The following DYNC1LI1 variants were observed in gnomAD, a reference collection of about 807,000 sequenced individuals.
The protein encoded by DYNC1LI1 is cytoplasmic dynein 1 light intermediate chain 1.
A neutral mutation model predicts 63.8 loss-of-function variants in DYNC1LI1; 19 were observed. That is an observed-to-expected ratio of 0.30 (90% confidence interval 0.21 to 0.44). The LOEUF (loss-of-function observed/expected upper bound fraction) is 0.44. Among genes scored for constraint, DYNC1LI1 ranks in the 20% least tolerant of loss-of-function variants. DYNC1LI1 has a pLI of 1.00. For synonymous variants in DYNC1LI1, 225 were observed against 232.3 expected (o/e 0.97, Z 0.28); for missense variants, 565 against 630.2 (o/e 0.90, Z 1.11).
chr3:32,552,101 A>G (rs935216517), intron 2 of DYNC1LI1, among the ~76,000 whole-genome samples: 3 of 152,188 alleles, frequency 2.0e-5, no homozygotes, highest in African/African-American at 7.2e-5. Context: ...TAATTAATAT[A>G]AGATTCCAAC....
chr3:32,566,739 A>G, intron 2 of DYNC1LI1: 1 of 438,686 alleles, frequency 2.3e-6, no homozygotes, highest in South Asian at 1.6e-5. Context: ...ACTCCATCTC[A>G]AAAACAAACA....
intron 2 of DYNC1LI1, 54 bp downstream of exon 2, chr3:32,570,277 TAGCCCGCGGACCAGG>T: frequency 7.8e-7 from 1 of 1,288,670 alleles, no homozygotes; most frequent in Non-Finnish European, 1.1e-6. Context: ...GCCAGCGAGC[TAGCCCGCGGACCAGG>T]TACCCCGGGC....
At chr3:32,556,514 ATTCTTT>A (rs1420068554) in intron 2 of DYNC1LI1, among the ~76,000 whole-genome samples, 1 of 152,114 alleles carries the variant, frequency 6.6e-6, no homozygotes, top group African/African-American at 2.4e-5. Context: ...CAACCTTCAT[ATTCTTT>A]TTGTTGCTTT....
chr3:32,540,249 A>C (rs1172793562), intron 5 of DYNC1LI1, among the ~76,000 whole-genome samples: 2 of 152,318 alleles, frequency 1.3e-5, no homozygotes, highest in Middle Eastern at 3.4e-3. Flanking sequence ...AATTTTGATA[A>C]TAGTGGTCCT....
Position 32,533,111 on chromosome 3 carries a change from C to T in DYNC1LI1, c.969-14G>A. 2 of 1,584,256 alleles carry T rather than the reference C, an allele frequency of 1.3e-6. No homozygotes were observed. Among genetic ancestry groups the T allele is most frequent in the Middle Eastern group, 2.0e-4 (1 of 5,032 alleles). ...CACCCTGCTGGACTGGAAAGAAATA[C>T]ATATGATAAATTCTCAAGCATTTAT... is the stretch of plus-strand genomic sequence containing the variant. On this transcript the variant is annotated splice_polypyrimidine_tract_variant and intron_variant, in intron 7 of 12. Transcript: ENST00000273130.
chr3:32,544,278 A>G (rs1479552770), intron 4 of DYNC1LI1, among the ~76,000 whole-genome samples: 1 of 152,212 alleles, frequency 6.6e-6, no homozygotes, highest in Admixed American at 6.5e-5. Context: ...TTACGAATTA[A>G]AAAATGAAAC....
Position 32,545,028 on chromosome 3 carries a change from A to G in DYNC1LI1, c.416T>C (p.Val139Ala). 1 of 1,614,096 alleles carries G rather than the reference A, an allele frequency of 6.2e-7. No individual in the cohort carries two copies. ...KGLLKFSLDAVSLKDTLVMLV... is the reference protein window; with the variant it reads ...KGLLKFSLDAASLKDTLVMLV... ...CATAACTAGAGTATCCTTCAGAGAT[A>G]CGGCATCCAGTGAAAATTTAAGGAG... is the stretch of plus-strand genomic sequence containing the variant. The change falls in exon 4 of 13, where the codon GTA becomes GCA. Residue 139 changes from valine to alanine, a missense_variant. By Grantham distance (64) the Val-to-Ala change is moderately conservative. Transcript: ENST00000273130.
At chr3:32,561,136 C>T (rs906322100) in intron 2 of DYNC1LI1, among the ~76,000 whole-genome samples, 3 of 150,912 alleles carry the variant, frequency 2.0e-5, no homozygotes, top group African/African-American at 7.3e-5. Context: ...ATTACAATGG[C>T]TATTAATAGT....
chr3:32,536,448 C>G (rs1392000243), intron 6 of DYNC1LI1, among the ~76,000 whole-genome samples: 1 of 152,154 alleles, frequency 6.6e-6, no homozygotes, highest in Non-Finnish European at 1.5e-5. Flanking sequence ...TTATTACTCA[C>G]TGGCTCACCT....
intron 8 of DYNC1LI1, chr3:32,532,481 A>ATGTGTATGTGTG (rs1553617327): frequency 2.5e-5 from 3 of 120,380 alleles, no homozygotes; most frequent in African/African-American, 9.0e-5. Flanking sequence ...AAAAAAAAAA[A>ATGTGTATGTGTG]TGTGTGTATA....
At chr3:32,561,542 T>A (rs536516868) in intron 2 of DYNC1LI1, among the ~76,000 whole-genome samples, 1 of 151,934 alleles carries the variant, frequency 6.6e-6, no homozygotes, top group African/African-American at 2.4e-5. Context: ...GGCAGGAGAA[T>A]TGCTTGAACC....
chr3:32,540,749 C>T (rs893047940), intron 5 of DYNC1LI1, among the ~76,000 whole-genome samples: 20 of 151,516 alleles, frequency 1.3e-4, no homozygotes, highest in Non-Finnish European at 2.5e-4. Flanking sequence ...ATCATTTTAC[C>T]TGTAATTATT....
intron 2 of DYNC1LI1, among the ~76,000 whole-genome samples, chr3:32,560,531 C>A (rs1698175634): frequency 6.6e-6 from 1 of 152,110 alleles, no homozygotes; most frequent in Non-Finnish European, 1.5e-5. Context: ...AATACGGTAC[C>A]TAGCAGAACA....
chr3:32,544,910 G>A lies in DYNC1LI1; in HGVS notation c.534C>T (p.Ile178=), dbSNP rs1697931964. 1 of 1,613,502 alleles carries A rather than the reference G, an allele frequency of 6.2e-7. No homozygotes were observed. The highest frequency in any genetic ancestry group is 8.5e-7 in the Non-Finnish European group (1 of 1,179,610). Residue 178 remains isoleucine, a synonymous_variant, in exon 4 of 13, where the codon ATC becomes ATT. Coordinates refer to ENST00000273130, the MANE Select transcript of DYNC1LI1 (RefSeq NM_016141.4). ...CCATTTGTTTCATTTCTTCAGGAGG[G>A]ATTTTCAGTTTGTCAACATGTTCTC... ...VVREHVDKLK[I]PPEEMKQMEQ... is the part of the protein sequence containing the mutation.
chr3:32,558,781 G>T (rs1247278360), intron 2 of DYNC1LI1, among the ~76,000 whole-genome samples: 1 of 151,972 alleles, frequency 6.6e-6, no homozygotes, highest in Non-Finnish European at 1.5e-5. Flanking sequence ...AGGAGGCAGA[G>T]GCTGCGGTAA....
At chr3:32,534,281 C>G (rs1436157277) in intron 7 of DYNC1LI1, among the ~76,000 whole-genome samples, 1 of 152,234 alleles carries the variant, frequency 6.6e-6, no homozygotes, top group East Asian at 1.9e-4. Context: ...ACCCAGTAGA[C>G]AGTTTAGCTC....
rs775205562 is a variant in DYNC1LI1, at chr3:32,528,496, C to T, written c.1412G>A (p.Gly471Asp). The change falls in exon 12 of 13, where the codon GGT becomes GAT. Residue 471 changes from glycine (G) to aspartate (D), a missense_variant. By Grantham distance (94) the Gly-to-Asp change is moderately conservative (BLOSUM62 -1). Coordinates refer to ENST00000273130, the MANE Select transcript of DYNC1LI1 (RefSeq NM_016141.4). The stretch of plus-strand genomic sequence containing the variant: ...ACCACTGCTTCCACCTCCAGCCCCA[C>T]CTGCAGGGCTACCACCACTCACACC... ...GPGVSGGSPA[G>D]GAGGGSSGLP... 1.9e-6 allele frequency: 3 copies of T among 1,614,054 alleles called. No individual in the cohort carries two copies. Among genetic ancestry groups the T allele is most frequent in the African/African-American group, 2.7e-5 (2 of 74,918 alleles).
chr3:32,566,564 A>T (rs1418992874), intron 2 of DYNC1LI1: 1 of 261,974 alleles, frequency 3.8e-6, no homozygotes, highest in Non-Finnish European at 7.7e-6. Flanking sequence ...AACATGGAGA[A>T]ACTGTCTCTA....
At position 32,549,371 on chromosome 3, in the gene DYNC1LI1, G is replaced by T. The variant is rs572479901; in HGVS notation, c.221-3406C>A. On this transcript the variant is annotated intron_variant, in intron 2 of 12. Coordinates refer to ENST00000273130, the MANE Select transcript of DYNC1LI1 (RefSeq NM_016141.4). ...TAAATCACCATGTGAAGAGATCTAT[G>T]AATATCTTCCTTTAAAAGGAGCCTG... Among the ~76,000 whole-genome samples the T allele has an allele frequency of 5.3e-4, 80 of 151,738 alleles. 1 individual carries two copies. Among genetic ancestry groups the T allele is most frequent in the Non-Finnish European group, 9.9e-4 (67 of 67,912 alleles).
Sources: gnomAD v4.1 joint callset for allele counts (sites outside exome capture counted in the v4.1 genomes callset) on GRCh38, gnomAD v4.1.1 for gene constraint, MANE v1.5 for transcripts, NCBI Gene and HGNC (gene_info 2026-07-23, HGNC 2026-07-21) for gene names.